The following ANKS1B variants were observed in gnomAD, a reference collection of about 807,000 sequenced individuals.
The protein encoded by ANKS1B is ankyrin repeat and sterile alpha motif domain containing 1B, also known as ankyrin repeat and sterile alpha motif domain-containing protein 1B.
Under a neutral mutation model 148.3 loss-of-function variants are expected in ANKS1B, and 36 were observed. The ratio of observed to expected loss-of-function variants is 0.24; its 90% CI spans 0.19 to 0.32. ANKS1B has a LOEUF of 0.32. ANKS1B is among the 10% of genes least tolerant of loss of function. ANKS1B has a pLI of 1.00. For synonymous variants in ANKS1B, 542 were observed against 560.8 expected (o/e 0.97, Z 0.47); for missense variants, 1,157 against 1,542.6 (o/e 0.75, Z 4.19).
chr12:99,815,755 A>T (rs114599775), intron 2 of ANKS1B, among the ~76,000 whole-genome samples: 4 of 151,778 alleles, frequency 2.6e-5, no homozygotes, highest in Non-Finnish European at 5.9e-5. Flanking sequence ...TTGGTTTTCC[A>T]TTCCCTAGTC....
intron 12 of ANKS1B, among the ~76,000 whole-genome samples, chr12:99,314,199 A>G (rs1019025276): frequency 1.3e-5 from 2 of 152,176 alleles, no homozygotes; most frequent in African/African-American, 4.8e-5. Flanking sequence ...ACCTAGGAAT[A>G]CAGCTAACAA....
intron 17 of ANKS1B, among the ~76,000 whole-genome samples, chr12:99,033,076 C>A (rs1287308358): frequency 6.6e-6 from 1 of 152,128 alleles, no homozygotes; most frequent in Non-Finnish European, 1.5e-5. Flanking sequence ...TACTTTCTAC[C>A]CAGGTCAATG....
chr12:99,122,816 GTAC>G (rs2063226812), intron 15 of ANKS1B, among the ~76,000 whole-genome samples: 2 of 151,856 alleles, frequency 1.3e-5, no homozygotes, highest in African/African-American at 4.8e-5. Flanking sequence ...TTAAAGCATG[GTAC>G]TAGTAAAGCC....
In ANKS1B at chr12:99,684,815, A is replaced by G. The variant is rs186278982; in HGVS notation, c.1129-29605T>C. ...GATCTTCAACAAAGCAAACAAAAAT[A>G]TAATGTGGGGAAAAGATATCCTATT... On this transcript the variant is annotated intron_variant, in intron 8 of 26. Transcript: ENST00000683438. Among the ~76,000 whole-genome samples, 28 of 152,294 alleles carry G rather than the reference A, an allele frequency of 1.8e-4. 1 individual carries two copies. In the East Asian group the frequency reaches 4.8e-3, roughly 26 times the overall value.
chr12:99,512,362 T>A (rs888770918), intron 9 of ANKS1B, among the ~76,000 whole-genome samples: 1 of 151,806 alleles, frequency 6.6e-6, no homozygotes, highest in Non-Finnish European at 1.5e-5. Flanking sequence ...GATCACCTCA[T>A]GCAGTCAGAA....
intron 17 of ANKS1B, among the ~76,000 whole-genome samples, chr12:98,986,882 G>T (rs1568202109): frequency 6.6e-6 from 1 of 152,054 alleles, no homozygotes; most frequent in Non-Finnish European, 1.5e-5. Context: ...GCCTCCGAAA[G>T]TGCTTAGATT....
chr12:98,754,749 G>GGGAA (rs1281352849), intron 25 of ANKS1B, among the ~76,000 whole-genome samples: 1 of 152,162 alleles, frequency 6.6e-6, no homozygotes, highest in Non-Finnish European at 1.5e-5. Context: ...ACATGATTAT[G>GGGAA]GGAAGCCTAA....
intron 1 of ANKS1B, among the ~76,000 whole-genome samples, chr12:99,884,766 C>T (rs2092730641): frequency 6.6e-6 from 1 of 152,076 alleles, no homozygotes; most frequent in South Asian, 2.1e-4. Context: ...TACAAAAGAG[C>T]AGACTGAAGG....
At chr12:99,243,863 C>T (rs897534462) in intron 14 of ANKS1B, among the ~76,000 whole-genome samples, 1 of 151,986 alleles carries the variant, frequency 6.6e-6, no homozygotes, top group African/African-American at 2.4e-5. Flanking sequence ...ATGCAAGGGC[C>T]TCTTGCGGGG....
At chr12:99,512,579 C>A (rs1189338068) in intron 9 of ANKS1B, among the ~76,000 whole-genome samples, 2 of 152,038 alleles carry the variant, frequency 1.3e-5, no homozygotes, top group African/African-American at 4.8e-5. Flanking sequence ...ATAAATCATT[C>A]TATTATAAAG....
chr12:99,918,677 A>G (rs999780645), intron 1 of ANKS1B, among the ~76,000 whole-genome samples: 3 of 152,278 alleles, frequency 2.0e-5, no homozygotes, highest in South Asian at 2.1e-4. Flanking sequence ...AAGCATTCCT[A>G]TATTATTTTA....
chr12:99,655,564 A>C (rs2098446071), intron 8 of ANKS1B, among the ~76,000 whole-genome samples: 3 of 152,210 alleles, frequency 2.0e-5, no homozygotes, highest in Admixed American at 1.3e-4. Flanking sequence ...AAATGCAGTT[A>C]GGGCACTAAC....
intron 12 of ANKS1B, among the ~76,000 whole-genome samples, chr12:99,378,171 G>C (rs979906687): frequency 6.6e-6 from 1 of 152,146 alleles, no homozygotes; most frequent in Non-Finnish European, 1.5e-5. Flanking sequence ...GGTCCTCCCT[G>C]TTAAACAATA....
intron 9 of ANKS1B, among the ~76,000 whole-genome samples, chr12:99,584,216 T>C (rs993706302): frequency 1.3e-5 from 2 of 152,206 alleles, no homozygotes; most frequent in African/African-American, 2.4e-5. Context: ...CAAAAGCTTA[T>C]GAAAATTGAT....
intron 9 of ANKS1B, among the ~76,000 whole-genome samples, chr12:99,652,118 C>T (rs1036133697): frequency 4.7e-5 from 7 of 150,250 alleles, no homozygotes; most frequent in African/African-American, 1.7e-4. Context: ...AATATAAATG[C>T]TAAAGGATAG....
Position 99,452,124 on chromosome 12 carries a change from C to A in ANKS1B, c.1439-8315G>T, listed in dbSNP as rs557324721. Among the ~76,000 whole-genome samples, 6 of 152,178 alleles carry A rather than the reference C, an allele frequency of 3.9e-5. No homozygotes were observed. The East Asian group carries it at 1.2e-3, about 29-fold the overall frequency. On this transcript the variant is annotated intron_variant, in intron 10 of 26. Coordinates refer to ENST00000683438, the MANE Select transcript of ANKS1B (RefSeq NM_001352186.2). ...TGTAAGCTCTGTAAGGCTACATGAT[C>A]TTTGTTGTAACTACTCTACTCTCTT... is the stretch of plus-strand genomic sequence containing the variant.
chr12:99,147,386 G>A (rs888777169), intron 15 of ANKS1B, among the ~76,000 whole-genome samples: 1 of 152,108 alleles, frequency 6.6e-6, no homozygotes, highest in Non-Finnish European at 1.5e-5. Flanking sequence ...AAAAGAGGAA[G>A]CGGTGAAAGA....
Position 99,973,877 on chromosome 12 carries a change from T to C in ANKS1B, c.134+10227A>G, listed in dbSNP as rs763779198. 5.9e-5 allele frequency among the ~76,000 whole-genome samples: 9 copies of C among 152,300 alleles called. No individual in the cohort carries two copies. In the East Asian group the frequency reaches 7.7e-4, roughly 13 times the overall value. ...ACTCCTGGTGAAGACACTGTGAACA[T>C]TGCTGAAACATCAACAAAGGATTTA... On this transcript the variant is annotated intron_variant, in intron 1 of 26. Transcript: ENST00000683438.
chr12:99,529,591 T>C (rs551645768), intron 9 of ANKS1B, among the ~76,000 whole-genome samples: 1 of 149,024 alleles, frequency 6.7e-6, no homozygotes, highest in South Asian at 2.1e-4. Flanking sequence ...AGGCAGAGGT[T>C]GCAGTGAGCA....
Sources: gnomAD v4.1 joint callset for allele counts (sites outside exome capture counted in the v4.1 genomes callset) on GRCh38, gnomAD v4.1.1 for gene constraint, MANE v1.5 for transcripts, NCBI Gene and HGNC (gene_info 2026-07-23, HGNC 2026-07-21) for gene names.